Variants in SAMD12 observed in about 807,000 individuals in gnomAD.
SAMD12 encodes the protein sterile alpha motif domain containing 12.
A neutral mutation model predicts 15.0 loss-of-function variants in SAMD12; 9 were observed. The observed-to-expected ratio is 0.60, with a 90% CI of 0.36 to 1.05. The LOEUF (loss-of-function observed/expected upper bound fraction) is 1.05, where lower values mean the gene tolerates loss of function less well. Ranked by LOEUF, SAMD12 falls within the 50% of genes least tolerant of loss-of-function variation. SAMD12 has a pLI of 0.01. For missense variants in SAMD12, 230 were observed against 234.2 expected (o/e 0.98, Z 0.12); for synonymous variants, 86 against 90.1 (o/e 0.96, Z 0.25).
chr8:118,443,550 G>A (rs1822818581), intron 2 of SAMD12, among the ~76,000 whole-genome samples: 1 of 152,180 alleles, frequency 6.6e-6, no homozygotes, highest in South Asian at 2.1e-4. Context: ...GTAAAATGAG[G>A]GTAATAAAGA....
chr8:118,268,381 C>A (rs1388545701), intron 4 of SAMD12, among the ~76,000 whole-genome samples: 2 of 152,172 alleles, frequency 1.3e-5, no homozygotes, highest in Non-Finnish European at 2.9e-5. Context: ...AAACTATCAT[C>A]ATAATTCCTT....
At chr8:118,595,006 G>T (rs890344798) in intron 1 of SAMD12, among the ~76,000 whole-genome samples, 4 of 152,052 alleles carry the variant, frequency 2.6e-5, no homozygotes, top group African/African-American at 9.7e-5. Context: ...TAATGTCGTT[G>T]TTCATCAACA....
chr8:118,359,561 C>T (rs539544206), intron 4 of SAMD12, among the ~76,000 whole-genome samples: 15 of 152,258 alleles, frequency 9.9e-5, no homozygotes, highest in Middle Eastern at 3.4e-3. Flanking sequence ...GTTATAGCAA[C>T]GAACGTAGCA....
chr8:118,621,760 C>A (rs753226784), intron 1 of SAMD12, 44 bp downstream of exon 1: 38 of 1,609,930 alleles, frequency 2.4e-5, no homozygotes, highest in Non-Finnish European at 3.1e-5. Flanking sequence ...CCTTGGGGTG[C>A]GCGGGTTAAG....
chr8:118,221,696 T>C (rs1180086763), intron 4 of SAMD12, among the ~76,000 whole-genome samples: 2 of 152,108 alleles, frequency 1.3e-5, no homozygotes, highest in African/African-American at 4.8e-5. Context: ...AGTGGGCATT[T>C]AGGAAAGTTT....
At chr8:118,207,553 T>C (rs2514750) in intron 4 of SAMD12, among the ~76,000 whole-genome samples, 75,622 of 152,022 alleles carry the variant, frequency 0.5, 20,666 homozygotes, top group Non-Finnish European at 0.62. Context: ...GTCTCCACAA[T>C]GTTAGACTGG....
chr8:118,205,068 G>C (rs1563693852), intron 4 of SAMD12, among the ~76,000 whole-genome samples: 1 of 152,174 alleles, frequency 6.6e-6, no homozygotes, highest in African/African-American at 2.4e-5. Context: ...CCTAATACAA[G>C]TGGACCCCAT....
At chr8:118,328,660 T>C (rs369189456) in intron 4 of SAMD12, among the ~76,000 whole-genome samples, 11 of 152,310 alleles carry the variant, frequency 7.2e-5, no homozygotes, top group Middle Eastern at 3.4e-3. Flanking sequence ...ATGTAGTGCA[T>C]AGCAGGTGGA....
At chr8:118,172,199 A>G in the SAMD12 span, among the ~76,000 whole-genome samples, 27 of 152,338 alleles carry the variant, frequency 1.8e-4, no homozygotes, top group Admixed American at 1.8e-3. Context: ...GCACATGTAT[A>G]CATATGTAAC....
chr8:118,311,610 G>A (rs1461634863), intron 4 of SAMD12, among the ~76,000 whole-genome samples: 1 of 152,226 alleles, frequency 6.6e-6, no homozygotes, highest in Non-Finnish European at 1.5e-5. Flanking sequence ...CATAAATTCT[G>A]AGGCTCATAT....
chr8:118,163,747 C>T, the SAMD12 span, among the ~76,000 whole-genome samples: 3 of 152,090 alleles, frequency 2.0e-5, no homozygotes, highest in African/African-American at 2.4e-5. Context: ...CGGTGGCGGG[C>T]GCCTGTAGTC....
intron 4 of SAMD12, among the ~76,000 whole-genome samples, chr8:118,314,419 T>C (rs1028253832): frequency 3.3e-5 from 5 of 152,166 alleles, no homozygotes; most frequent in African/African-American, 1.2e-4. Context: ...CTTGTGTGTG[T>C]GTTTGTATGT....
intron 3 of SAMD12, among the ~76,000 whole-genome samples, chr8:118,414,200 A>G (rs920823189): frequency 6.6e-6 from 1 of 152,226 alleles, no homozygotes; most frequent in African/African-American, 2.4e-5. Flanking sequence ...TAGACATTTG[A>G]AAAAGAAGAA....
chr8:118,273,708 T>C (rs1813416869), intron 4 of SAMD12, among the ~76,000 whole-genome samples: 1 of 152,094 alleles, frequency 6.6e-6, no homozygotes, highest in East Asian at 1.9e-4. Flanking sequence ...GGCGGAGGGG[T>C]TGATTCAATC....
chr8:118,214,067 T>C (rs2129831453), intron 4 of SAMD12, among the ~76,000 whole-genome samples: 1 of 152,358 alleles, frequency 6.6e-6, no homozygotes, highest in East Asian at 1.9e-4. Flanking sequence ...TGTGATACTG[T>C]CAAGCTTTTT....
Position 118,295,210 on chromosome 8 carries a change from T to C in SAMD12, c.433+84350A>G, listed in dbSNP as rs73709249. On this transcript the variant is annotated intron_variant, in intron 4 of 4. Coordinates refer to the SAMD12 transcript ENST00000409003. ...CAGCTGAATTACAAGGTCAGAACTCTAAATTATTGCTTTGTTGTTTGAGCT... is the reference window on the plus strand; with the variant it reads ...CAGCTGAATTACAAGGTCAGAACTCCAAATTATTGCTTTGTTGTTTGAGCT... Among the ~76,000 whole-genome samples the C allele has an allele frequency of 6.1e-3, 922 of 152,342 alleles. 13 individuals carry two copies. Among genetic ancestry groups the C allele is most frequent in the African/African-American group, 0.021 (855 of 41,578 alleles).
At chr8:118,595,811 A>G (rs1174529046) in intron 1 of SAMD12, among the ~76,000 whole-genome samples, 1 of 152,170 alleles carries the variant, frequency 6.6e-6, no homozygotes, top group African/African-American at 2.4e-5. Flanking sequence ...CTCCTTCCCC[A>G]CAGTAAGATT....
At chr8:118,551,791 A>G (rs537470398) in intron 2 of SAMD12, among the ~76,000 whole-genome samples, 1 of 152,130 alleles carries the variant, frequency 6.6e-6, no homozygotes, top group African/African-American at 2.4e-5. Flanking sequence ...AAGACTAATA[A>G]AGAAAAAAAG....
intron 4 of SAMD12, among the ~76,000 whole-genome samples, chr8:118,243,954 C>A (rs1252322184): frequency 1.3e-5 from 2 of 152,132 alleles, no homozygotes; most frequent in African/African-American, 4.8e-5. Flanking sequence ...TCTTCCCTGG[C>A]ACACAGTTTC....
Sources: allele counts gnomAD v4.1 joint callset (sites outside exome capture counted in the v4.1 genomes callset), GRCh38; gene constraint gnomAD v4.1.1; transcripts MANE v1.5; gene names NCBI Gene and HGNC (gene_info 2026-07-23, HGNC 2026-07-21).